The following GPHN variants were observed in gnomAD, a reference collection of about 807,000 sequenced individuals.
GPHN encodes the protein gephyrin.
Under a neutral mutation model 95.5 loss-of-function variants are expected in GPHN, and 17 were observed. The observed-to-expected ratio is 0.18, with a 90% CI of 0.12 to 0.27. The LOEUF is 0.27. GPHN is among the 10% of genes least tolerant of loss of function. The pLI, the probability that GPHN is intolerant of heterozygous loss-of-function variation, is 1.00. For synonymous variants in GPHN, 320 were observed against 322.5 expected, an observed-to-expected ratio of 0.99 and a Z score of 0.08; for missense variants, 660 against 978.1, an observed-to-expected ratio of 0.67 and a Z score of 4.34.
the GPHN span, among the ~76,000 whole-genome samples, chr14:67,432,290 A>G: frequency 3.9e-5 from 6 of 152,366 alleles, no homozygotes; most frequent in African/African-American, 1.4e-4. Flanking sequence ...TGGCAGGACC[A>G]AGATTTAGAC....
intron 3 of GPHN, among the ~76,000 whole-genome samples, chr14:66,816,106 C>T (rs1470650262): frequency 1.3e-5 from 2 of 152,154 alleles, no homozygotes; most frequent in Non-Finnish European, 2.9e-5. Flanking sequence ...ACAAGAAGAT[C>T]TAAATATCCT....
At chr14:67,653,922 G>T in the GPHN span, among the ~76,000 whole-genome samples, 2 of 152,114 alleles carry the variant, frequency 1.3e-5, no homozygotes, top group Non-Finnish European at 2.9e-5. Flanking sequence ...TTGGGATCTG[G>T]TTTTTTTCTT....
At chr14:66,547,517 G>T (rs2059646060) in intron 1 of GPHN, among the ~76,000 whole-genome samples, 1 of 152,118 alleles carries the variant, frequency 6.6e-6, no homozygotes, top group African/African-American at 2.4e-5. Flanking sequence ...ACAAGTTTTG[G>T]CAAGGACAAG....
At chr14:67,525,302 G>A in the GPHN span, among the ~76,000 whole-genome samples, 1 of 152,064 alleles carries the variant, frequency 6.6e-6, no homozygotes, top group South Asian at 2.1e-4. Flanking sequence ...TCTAGACATT[G>A]CTTCACTTGA....
At chr14:67,355,583 G>C in the GPHN span, among the ~76,000 whole-genome samples, 1 of 151,634 alleles carries the variant, frequency 6.6e-6, no homozygotes, top group Non-Finnish European at 1.5e-5. Context: ...TAGATTGGGT[G>C]ATCAGGAACA....
the GPHN span, among the ~76,000 whole-genome samples, chr14:67,531,910 C>CAA: frequency 0.012 from 934 of 79,542 alleles, 20 homozygotes; most frequent in East Asian, 0.059. Flanking sequence ...AACCTATGTC[C>CAA]AAAAAAAAAA....
At chr14:67,446,306 C>A in the GPHN span, among the ~76,000 whole-genome samples, 1 of 152,166 alleles carries the variant, frequency 6.6e-6, no homozygotes, top group African/African-American at 2.4e-5. Context: ...AAGAAGAGTG[C>A]CCCCAGAGAT....
At chr14:66,764,792 ATTAC>A (rs546685856) in intron 2 of GPHN, among the ~76,000 whole-genome samples, 14 of 152,216 alleles carry the variant, frequency 9.2e-5, no homozygotes, top group Non-Finnish European at 1.3e-4. Flanking sequence ...AGATAATATA[ATTAC>A]TTATTGTACA....
the GPHN span, among the ~76,000 whole-genome samples, chr14:67,284,587 A>G: frequency 7.1e-6 from 1 of 140,800 alleles, no homozygotes; most frequent in Non-Finnish European, 1.5e-5. Context: ...AAAAAAAAAA[A>G]AGGTTGTGCA....
At chr14:66,946,043 T>G (rs2067728759) in intron 8 of GPHN, among the ~76,000 whole-genome samples, 1 of 152,190 alleles carries the variant, frequency 6.6e-6, no homozygotes, top group African/African-American at 2.4e-5. Flanking sequence ...TTTTAATTTA[T>G]TTTATGTTTG....
chr14:66,595,403 A>T (rs1371530967), intron 1 of GPHN, among the ~76,000 whole-genome samples: 1 of 152,100 alleles, frequency 6.6e-6, no homozygotes, highest in East Asian at 1.9e-4. Context: ...TGTGGCTGGT[A>T]TTGCCTTTGT....
chr14:67,193,000 A>G, the GPHN span, among the ~76,000 whole-genome samples: 3 of 145,792 alleles, frequency 2.1e-5, no homozygotes, highest in Non-Finnish European at 3.0e-5. Context: ...ATATATCTCT[A>G]TATATCAATA....
intron 1 of GPHN, among the ~76,000 whole-genome samples, chr14:66,532,681 G>A (rs746421587): frequency 1.3e-5 from 2 of 152,182 alleles, no homozygotes; most frequent in Admixed American, 6.5e-5. Flanking sequence ...TGGGGTGTCT[G>A]CCTCACAAAA....
chr14:67,156,519 A>C (rs987226189), intron 18 of GPHN, among the ~76,000 whole-genome samples: 1 of 152,182 alleles, frequency 6.6e-6, no homozygotes, highest in Non-Finnish European at 1.5e-5. Flanking sequence ...TTACTAACAT[A>C]ATAATATAAG....
chr14:67,579,298 A>G, the GPHN span: 5 of 1,537,604 alleles, frequency 3.3e-6, no homozygotes, highest in Non-Finnish European at 4.4e-6. Context: ...CACTTTACCA[A>G]CGGGACTTAC....
At chr14:66,995,175 C>A (rs1041698892) in intron 9 of GPHN, among the ~76,000 whole-genome samples, 1 of 151,974 alleles carries the variant, frequency 6.6e-6, no homozygotes, top group South Asian at 2.1e-4. Context: ...GACAACCTAA[C>A]GAGAAAAGAG....
At chr14:66,708,819 C>A (rs2069344080) in intron 2 of GPHN, among the ~76,000 whole-genome samples, 1 of 152,012 alleles carries the variant, frequency 6.6e-6, no homozygotes, top group South Asian at 2.1e-4. Context: ...GTTTTTCTTC[C>A]ACTAAACTTG....
chr14:67,172,545 G>A (rs2082656685), intron 21 of GPHN, among the ~76,000 whole-genome samples: 1 of 152,224 alleles, frequency 6.6e-6, no homozygotes, highest in East Asian at 1.9e-4. Context: ...TAGGTGCCCT[G>A]GCTGAACTGA....
chr14:66,602,400 G>A (rs2062296928), intron 1 of GPHN, among the ~76,000 whole-genome samples: 1 of 151,772 alleles, frequency 6.6e-6, no homozygotes, highest in Non-Finnish European at 1.5e-5. Flanking sequence ...AGAATGTTAG[G>A]TAATTTCCCA....
Sources: allele counts gnomAD v4.1 joint callset (sites outside exome capture counted in the v4.1 genomes callset), GRCh38; gene constraint gnomAD v4.1.1; transcripts MANE v1.5; gene names NCBI Gene and HGNC (gene_info 2026-07-23, HGNC 2026-07-21).